Variants in XRN2 observed in about 807,000 individuals in gnomAD.
XRN2 encodes 5'-3' exoribonuclease 2.
Under a neutral mutation model 138.5 loss-of-function variants are expected in XRN2, and 44 were observed. That is an observed-to-expected ratio of 0.32 (90% confidence interval 0.25 to 0.41). The LOEUF (loss-of-function observed/expected upper bound fraction) is 0.41. Ranked by LOEUF, XRN2 falls within the 10% of genes least tolerant of loss-of-function variation. The pLI is 1.00. For missense variants in XRN2, 937 were observed against 1,169.3 expected, an observed-to-expected ratio of 0.80 and a Z score of 2.90; for synonymous variants, 354 against 369.4, an observed-to-expected ratio of 0.96 and a Z score of 0.48.
chr20:21,303,632 G>T, intron 1 of XRN2, 159 bp downstream of exon 1: 2 of 1,356,950 alleles, frequency 1.5e-6, no homozygotes, highest in Non-Finnish European at 1.9e-6. Flanking sequence ...GCGATGGGAC[G>T]CGGGCTGTGG....
chr20:21,386,336 G>T (rs2038935870), intron 28 of XRN2, among the ~76,000 whole-genome samples: 1 of 152,146 alleles, frequency 6.6e-6, no homozygotes, highest in Non-Finnish European at 1.5e-5. Context: ...CTCCCAATCA[G>T]ACCTTCTGAC....
intron 17 of XRN2, 105 bp downstream of exon 17, chr20:21,346,655 T>G (rs1232220593): frequency 7.1e-7 from 1 of 1,404,862 alleles, no homozygotes; most frequent in Non-Finnish European, 9.7e-7. Flanking sequence ...AGTCTTGCCC[T>G]GTCACCTGGG....
At chr20:21,366,216 G>GTTTA (rs1219120664) in intron 26 of XRN2, among the ~76,000 whole-genome samples, 12 of 114,762 alleles carry the variant, frequency 1.0e-4, no homozygotes, top group African/African-American at 2.9e-4. Flanking sequence ...ATATAATATA[G>GTTTA]TTTATATATA....
intron 13 of XRN2, 39 bp downstream of exon 13, chr20:21,334,224 T>C (rs1197934786): frequency 6.6e-7 from 1 of 1,509,264 alleles, no homozygotes; most frequent in African/African-American, 1.4e-5. Context: ...ATTGCTCCTG[T>C]CTCTAATAGG....
intron 29 of XRN2, among the ~76,000 whole-genome samples, chr20:21,388,905 G>A (rs1366534130): frequency 3.3e-5 from 5 of 152,188 alleles, no homozygotes; most frequent in Non-Finnish European, 7.3e-5. Flanking sequence ...TGTGTAATAA[G>A]TCTAAATTGA....
chr20:21,367,900 T>A (rs940240968), intron 26 of XRN2, among the ~76,000 whole-genome samples: 1 of 152,136 alleles, frequency 6.6e-6, no homozygotes, highest in African/African-American at 2.4e-5. Flanking sequence ...CTTGGATTTG[T>A]GAGGAGGAAA....
intron 1 of XRN2, among the ~76,000 whole-genome samples, chr20:21,320,441 G>A (rs568102566): frequency 3.7e-4 from 54 of 145,992 alleles, no homozygotes; most frequent in African/African-American, 1.2e-3. Context: ...CTGGCACTAC[G>A]GGCGCCTGCC....
chr20:21,372,877 C>A (rs764774272), intron 27 of XRN2, among the ~76,000 whole-genome samples: 3 of 152,024 alleles, frequency 2.0e-5, no homozygotes, highest in Non-Finnish European at 4.4e-5. Context: ...CATACATTAC[C>A]TTTTTGTTTT....
chr20:21,341,655 C>T (rs533123900), intron 15 of XRN2, among the ~76,000 whole-genome samples: 1 of 152,306 alleles, frequency 6.6e-6, no homozygotes, highest in East Asian at 1.9e-4. Flanking sequence ...GGAACATACA[C>T]TTTTGCTATG....
intron 27 of XRN2, among the ~76,000 whole-genome samples, chr20:21,381,312 G>A (rs1469941856): frequency 6.6e-6 from 1 of 152,120 alleles, no homozygotes; most frequent in African/African-American, 2.4e-5. Flanking sequence ...TGCAAGCTGT[G>A]GTTCGCTGAT....
chr20:21,381,025 TTCTTTCTCTC>T (rs761535973), intron 27 of XRN2, among the ~76,000 whole-genome samples: 1 of 152,242 alleles, frequency 6.6e-6, no homozygotes, highest in Non-Finnish European at 1.5e-5. Flanking sequence ...TTCTACTTTT[TTCTTTCTCTC>T]TCTTTCTTAA....
chr20:21,343,351 GTT>G (rs1321076597), intron 15 of XRN2, among the ~76,000 whole-genome samples: 2 of 151,946 alleles, frequency 1.3e-5, no homozygotes, highest in Non-Finnish European at 2.9e-5. Context: ...TGTTAATTGA[GTT>G]AGGTACAAAG....
chr20:21,375,497 T>C (rs1376381541), intron 27 of XRN2, among the ~76,000 whole-genome samples: 2 of 152,060 alleles, frequency 1.3e-5, no homozygotes, highest in Non-Finnish European at 2.9e-5. Flanking sequence ...GTCTCACATA[T>C]TTATTATCAT....
chr20:21,348,489 T>G, intron 19 of XRN2, 59 bp downstream of exon 19: 3 of 1,476,834 alleles, frequency 2.0e-6, no homozygotes, highest in Non-Finnish European at 2.8e-6. Context: ...TTTATTCATA[T>G]CAGTTACAAT....
chr20:21,339,025 G>A lies in XRN2; in HGVS notation c.1234-19G>A. ...TTTGTGTAATTATTTGACAGAATAT[G>A]TGGATTTTATACTTTTAGGACAGTT... On this transcript the variant is annotated intron_variant, in intron 13 of 29. Coordinates refer to ENST00000377191, the MANE Select transcript of XRN2 (RefSeq NM_012255.5). 6.3e-7 allele frequency: 1 copy of A among 1,592,770 alleles called. No homozygotes were observed. Among genetic ancestry groups the A allele is most frequent in the Non-Finnish European group, 8.6e-7 (1 of 1,165,622 alleles).
chr20:21,325,493 G>T (rs912695472), intron 1 of XRN2, among the ~76,000 whole-genome samples: 2 of 152,192 alleles, frequency 1.3e-5, no homozygotes, highest in Non-Finnish European at 2.9e-5. Context: ...TATGTACAAG[G>T]TGTTATAAAG....
chr20:21,365,599 G>C lies in XRN2; in HGVS notation c.2351G>C (p.Ser784Thr), dbSNP rs1247527965. The change falls in exon 26 of 30, where the codon AGT (serine) becomes ACT (threonine). Residue 784 changes from serine (S) to threonine (T), a missense_variant. Around this residue, in one of 6 missense-constraint regions of XRN2, gnomAD observed 372 missense variants for 414.4 expected, o/e 0.90. Transcript: ENST00000377191. ...AAGCCAGCAGCAGTACTGAAACCTA[G>C]TGACTGGGAAAAATCCAGCAATGGA... The part of the protein sequence containing the change: ...ARKPAAVLKP[S>T]DWEKSSNGRQ... 2.5e-6 allele frequency: 4 copies of C among 1,613,338 alleles called. No individual in the cohort carries two copies. The highest frequency in any genetic ancestry group is 1.1e-5 in the South Asian group (1 of 91,052).
intron 15 of XRN2, 42 bp downstream of exon 15, chr20:21,340,894 A>G: frequency 6.2e-7 from 1 of 1,609,230 alleles, no homozygotes; most frequent in South Asian, 1.1e-5. Flanking sequence ...AGTGGTGAAT[A>G]TCACATACCT....
At chr20:21,338,992 C>T in intron 13 of XRN2, 52 bp from the exon 14 acceptor site, 1 of 1,545,676 alleles carries the variant, frequency 6.5e-7, no homozygotes, top group Non-Finnish European at 8.9e-7. Flanking sequence ...ATGCTTAACT[C>T]TGACATTTTT....
Sources: gnomAD v4.1 joint callset for allele counts (sites outside exome capture counted in the v4.1 genomes callset) on GRCh38, gnomAD v4.1.1 for gene constraint, gnomAD v4.1.1 regional missense constraint, MANE v1.5 for transcripts, NCBI Gene and HGNC (gene_info 2026-07-23, HGNC 2026-07-21) for gene names.